MGLL: variants seen among roughly 807,000 people sequenced by gnomAD.
MGLL encodes lysophospholipase homolog.
Under a neutral mutation model 29.1 loss-of-function variants are expected in MGLL, and 7 were observed. The observed-to-expected ratio is 0.24, with a 90% CI of 0.14 to 0.45. MGLL has a LOEUF of 0.45. Among genes scored for constraint, MGLL ranks in the 20% least tolerant of loss-of-function variants. The pLI is 0.99. For missense variants in MGLL, 356 were observed against 413.6 expected, an observed-to-expected ratio of 0.86 and a Z score of 1.21; for synonymous variants, 148 against 168.3, an observed-to-expected ratio of 0.88 and a Z score of 0.93.
intron 3 of MGLL, among the ~76,000 whole-genome samples, chr3:127,724,306 A>G (rs2075991204): frequency 6.6e-6 from 1 of 152,186 alleles, no homozygotes; most frequent in African/African-American, 2.4e-5. Flanking sequence ...GAGTGGAATC[A>G]GGCCATATTT....
At chr3:127,696,615 T>C (rs2075372038) in intron 6 of MGLL, among the ~76,000 whole-genome samples, 1 of 151,946 alleles carries the variant, frequency 6.6e-6, no homozygotes, top group East Asian at 1.9e-4. Context: ...GGTTTTGCCA[T>C]GTTGGTCAGG....
At position 127,691,533 on chromosome 3, in the gene MGLL, C is replaced by T. The variant is rs1394187345; in HGVS notation, c.*665G>A. 6.5e-6 allele frequency: 1 copy of T among 152,834 alleles called. No homozygotes were observed. Among genetic ancestry groups the T allele is most frequent in the Admixed American group, 6.5e-5 (1 of 15,338 alleles). The allele number at this position is 152,834 out of a possible 1,614,324, so 9.5% of individuals were successfully genotyped here. A position where few individuals can be genotyped will look rare whatever the true frequency, so the allele number is the denominator to read the frequency against. The stretch of plus-strand genomic sequence containing the variant: ...CTGGCAGGAGGGGAAGGGCAGGGGA[C>T]AGAGAAGAGCCTTGGTTTCCTGCTC... On this transcript the variant is annotated 3_prime_UTR_variant, in exon 8 of 8. Transcript: ENST00000265052.
chr3:127,739,788 T>A (rs2076303832), intron 3 of MGLL, among the ~76,000 whole-genome samples: 1 of 152,238 alleles, frequency 6.6e-6, no homozygotes, highest in East Asian at 1.9e-4. Context: ...AGTGGTACTG[T>A]GCTGCTTCTT....
chr3:127,804,390 G>A (rs571392152), intron 2 of MGLL, among the ~76,000 whole-genome samples: 1 of 152,308 alleles, frequency 6.6e-6, no homozygotes, highest in East Asian at 1.9e-4. Context: ...ACCACTGATC[G>A]CTTCTGCTCA....
At chr3:127,699,390 A>C (rs1435000889) in intron 6 of MGLL, among the ~76,000 whole-genome samples, 1 of 152,194 alleles carries the variant, frequency 6.6e-6, no homozygotes, top group Non-Finnish European at 1.5e-5. Context: ...ATGCAATATC[A>C]GAGTTTAATT....
chr3:127,795,442 G>A lies in MGLL; in HGVS notation c.156-13547C>T, dbSNP rs1414367398. Among the ~76,000 whole-genome samples, 3 of 151,940 alleles carry A rather than the reference G, an allele frequency of 2.0e-5. No individual in the cohort carries two copies. The South Asian group carries it at 6.2e-4, about 32-fold the overall frequency. Reference sequence around the variant, plus strand: ...GCAAGGACTGAAAAACTACCTATTGGGCACTATGCTCAATACCTGGGTGAT... The same window carrying A: ...GCAAGGACTGAAAAACTACCTATTGAGCACTATGCTCAATACCTGGGTGAT... On this transcript the variant is annotated intron_variant, in intron 2 of 7. Transcript: ENST00000265052.
chr3:127,707,992 CTT>C (rs1172071679), intron 6 of MGLL, among the ~76,000 whole-genome samples: 1 of 152,234 alleles, frequency 6.6e-6, no homozygotes, highest in Non-Finnish European at 1.5e-5. Context: ...CCTGTGCACT[CTT>C]GAGTCCCAGG....
intron 3 of MGLL, among the ~76,000 whole-genome samples, chr3:127,774,523 T>C (rs1310416792): frequency 6.6e-6 from 1 of 152,224 alleles, no homozygotes; most frequent in African/African-American, 2.4e-5. Context: ...CTGAATGCTC[T>C]TTCTCCATAT....
intron 3 of MGLL, among the ~76,000 whole-genome samples, chr3:127,744,230 G>T (rs912970116): frequency 6.6e-6 from 1 of 152,058 alleles, no homozygotes; most frequent in East Asian, 1.9e-4. Context: ...ATATTTAGAA[G>T]GTTTATTTGA....
At chr3:127,787,011 C>G (rs1427709022) in intron 2 of MGLL, among the ~76,000 whole-genome samples, 2 of 152,228 alleles carry the variant, frequency 1.3e-5, no homozygotes, top group East Asian at 3.8e-4. Context: ...CAGCCTCCTC[C>G]CCGGGGTTTG....
At chr3:127,706,662 T>C (rs1472747097) in intron 6 of MGLL, among the ~76,000 whole-genome samples, 1 of 152,208 alleles carries the variant, frequency 6.6e-6, no homozygotes, top group Non-Finnish European at 1.5e-5. Context: ...AATTTTTAGC[T>C]GCAAATACTG....
At chr3:127,773,769 G>C (rs1254529879) in intron 3 of MGLL, among the ~76,000 whole-genome samples, 2 of 152,204 alleles carry the variant, frequency 1.3e-5, no homozygotes, top group African/African-American at 2.4e-5. Flanking sequence ...GCTCGCCACT[G>C]TTGGGCCTTC....
intron 5 of MGLL, chr3:127,715,821 C>A (rs986275227): frequency 2.2e-6 from 1 of 456,772 alleles, no homozygotes; most frequent in African/African-American, 2.0e-5. Context: ...GCTGTGAGCA[C>A]ACCAGGGAAG....
chr3:127,760,815 A>G (rs148335384), intron 3 of MGLL, among the ~76,000 whole-genome samples: 19 of 152,304 alleles, frequency 1.2e-4, no homozygotes, highest in Non-Finnish European at 2.1e-4. Flanking sequence ...TTTGCCCCCT[A>G]ATGACTGTGA....
At position 127,754,809 on chromosome 3, in the gene MGLL, C is replaced by T. The variant is rs149556059; in HGVS notation, c.262+26980G>A. 7.7e-3 allele frequency among the ~76,000 whole-genome samples: 1,175 copies of T among 152,282 alleles called. 19 individuals carry two copies. Among genetic ancestry groups the T allele is most frequent in the African/African-American group, 0.026 (1,099 of 41,556 alleles). ...CTGCTGAGAAAACCACACCAGAGAGCGAGAACGTCATCAGAGAGGGGCGCG... is the reference window on the plus strand; with the variant it reads ...CTGCTGAGAAAACCACACCAGAGAGTGAGAACGTCATCAGAGAGGGGCGCG... On this transcript the variant is annotated intron_variant, in intron 3 of 7. Transcript: ENST00000265052.
At chr3:127,717,853 G>A (rs995482217) in intron 5 of MGLL, among the ~76,000 whole-genome samples, 8 of 152,116 alleles carry the variant, frequency 5.3e-5, no homozygotes, top group Non-Finnish European at 1.0e-4. Flanking sequence ...CAGCTGGGGG[G>A]CCACAGTTCC....
intron 2 of MGLL, among the ~76,000 whole-genome samples, chr3:127,788,487 A>C (rs2077249609): frequency 6.6e-6 from 1 of 152,126 alleles, no homozygotes; most frequent in Admixed American, 6.5e-5. Flanking sequence ...ACACCACGTA[A>C]TGGTCAGGTC....
chr3:127,696,777 G>A (rs2075375837), intron 6 of MGLL, among the ~76,000 whole-genome samples: 1 of 151,984 alleles, frequency 6.6e-6, no homozygotes, highest in African/African-American at 2.4e-5. Context: ...GTTGGGGAGG[G>A]GCCACGTGGT....
intron 2 of MGLL, among the ~76,000 whole-genome samples, chr3:127,791,025 G>A (rs2077291104): frequency 6.6e-6 from 1 of 152,192 alleles, no homozygotes; most frequent in African/African-American, 2.4e-5. Context: ...TGAGACTGCA[G>A]CTGAGGTTGT....
Sources: allele counts gnomAD v4.1 joint callset (sites outside exome capture counted in the v4.1 genomes callset), GRCh38; gene constraint gnomAD v4.1.1; transcripts MANE v1.5; gene names NCBI Gene and HGNC (gene_info 2026-07-23, HGNC 2026-07-21).